PTPRD: variants seen among roughly 807,000 people sequenced by gnomAD.
The protein encoded by PTPRD is protein tyrosine phosphatase receptor type D, also known as receptor-type tyrosine-protein phosphatase delta.
In PTPRD, 34 loss-of-function variants were observed where a neutral mutation model predicts 214.5. The observed-to-expected ratio is 0.16, with a 90% confidence interval of 0.12 to 0.21. The LOEUF is 0.21. Ranked by LOEUF, PTPRD falls within the 10% of genes least tolerant of loss-of-function variation. The pLI, the probability that PTPRD is intolerant of heterozygous loss-of-function variation, is 1.00. For synonymous variants in PTPRD, 1,128 were observed against 845.7 expected (o/e 1.33, Z -5.79); for missense variants, 2,545 against 2,398.7 (o/e 1.06, Z -1.27).
chr9:9,176,678 C>T (rs2099925088), intron 10 of PTPRD, among the ~76,000 whole-genome samples: 1 of 152,090 alleles, frequency 6.6e-6, no homozygotes, highest in Non-Finnish European at 1.5e-5. Flanking sequence ...TTATCATGGG[C>T]ATGGGTTCCT....
chr9:9,123,292 G>C (rs901263555), intron 10 of PTPRD, among the ~76,000 whole-genome samples: 3 of 152,182 alleles, frequency 2.0e-5, no homozygotes, highest in African/African-American at 7.2e-5. Context: ...TTGGAGCTAG[G>C]ACATTTCTCT....
chr9:8,794,604 A>ATGCC (rs2096352156), intron 11 of PTPRD, among the ~76,000 whole-genome samples: 1 of 150,838 alleles, frequency 6.6e-6, no homozygotes, highest in Admixed American at 6.6e-5. Flanking sequence ...TTAGCCTCCC[A>ATGCC]AGTAGCTGGA....
At chr9:8,824,424 G>C (rs891156272) in intron 11 of PTPRD, among the ~76,000 whole-genome samples, 1 of 152,180 alleles carries the variant, frequency 6.6e-6, no homozygotes, top group Non-Finnish European at 1.5e-5. Flanking sequence ...TCACGGTAGA[G>C]AAGAGCTTCG....
At chr9:9,644,974 G>A (rs1409207850) in intron 7 of PTPRD, among the ~76,000 whole-genome samples, 2 of 152,176 alleles carry the variant, frequency 1.3e-5, no homozygotes, top group African/African-American at 4.8e-5. Flanking sequence ...ACAAGAACCT[G>A]GTTACCAAGA....
intron 39 of PTPRD, among the ~76,000 whole-genome samples, chr9:8,350,215 T>C (rs2075067293): frequency 6.6e-6 from 1 of 152,154 alleles, no homozygotes; most frequent in Non-Finnish European, 1.5e-5. Context: ...AAAGTCATTC[T>C]GGAGATGTGT....
At chr9:10,065,792 T>C (rs2097867780) in intron 3 of PTPRD, among the ~76,000 whole-genome samples, 3 of 151,974 alleles carry the variant, frequency 2.0e-5, no homozygotes, top group African/African-American at 7.2e-5. Flanking sequence ...AGAAAAGTAT[T>C]TTCCGGTGAT....
chr9:9,436,547 T>C (rs932860672), intron 8 of PTPRD, among the ~76,000 whole-genome samples: 2 of 152,130 alleles, frequency 1.3e-5, no homozygotes, highest in African/African-American at 4.8e-5. Flanking sequence ...TTCCTTTAAA[T>C]TTATTGGTAA....
chr9:8,325,384 C>CA (rs1832625016), intron 44 of PTPRD, among the ~76,000 whole-genome samples: 1 of 149,150 alleles, frequency 6.7e-6, no homozygotes, highest in African/African-American at 2.5e-5. Context: ...TCAGGTTTGT[C>CA]AAAGATAAGA....
chr9:10,257,335 T>C (rs2093358216), intron 3 of PTPRD, among the ~76,000 whole-genome samples: 1 of 152,190 alleles, frequency 6.6e-6, no homozygotes, highest in Admixed American at 6.5e-5. Flanking sequence ...AATTATGTAC[T>C]TGACCTCTAA....
intron 3 of PTPRD, among the ~76,000 whole-genome samples, chr9:10,152,706 T>A (rs2099068944): frequency 6.6e-6 from 1 of 152,110 alleles, no homozygotes; most frequent in African/African-American, 2.4e-5. Context: ...ACGCCTGTAA[T>A]CCCAGCTACT....
At chr9:10,401,751 A>T (rs2098273456) in intron 2 of PTPRD, among the ~76,000 whole-genome samples, 1 of 150,778 alleles carries the variant, frequency 6.6e-6, no homozygotes, top group Non-Finnish European at 1.5e-5. Flanking sequence ...TTGTATGATT[A>T]CAATGGGATA....
At chr9:10,368,674 T>A (rs911773524) in intron 2 of PTPRD, among the ~76,000 whole-genome samples, 1 of 152,066 alleles carries the variant, frequency 6.6e-6, no homozygotes, top group African/African-American at 2.4e-5. Flanking sequence ...ATCTCACTTA[T>A]GGGAAGGAAC....
At chr9:9,528,680 G>T (rs547998116) in intron 8 of PTPRD, among the ~76,000 whole-genome samples, 1 of 152,040 alleles carries the variant, frequency 6.6e-6, no homozygotes, top group African/African-American at 2.4e-5. Context: ...AACTACTGAA[G>T]GTCAGTGACA....
chr9:8,693,518 C>A (rs1181521000), intron 12 of PTPRD, among the ~76,000 whole-genome samples: 2 of 152,168 alleles, frequency 1.3e-5, no homozygotes, highest in Admixed American at 6.5e-5. Flanking sequence ...TTATTCTTTG[C>A]AAGCACTTTA....
At chr9:9,592,171 C>T (rs940678753) in intron 7 of PTPRD, among the ~76,000 whole-genome samples, 1 of 152,008 alleles carries the variant, frequency 6.6e-6, no homozygotes, top group African/African-American at 2.4e-5. Flanking sequence ...TCATTTTCTT[C>T]ACTAATTTAA....
chr9:10,558,658 T>C (rs995355382), intron 2 of PTPRD, among the ~76,000 whole-genome samples: 1 of 152,204 alleles, frequency 6.6e-6, no homozygotes, highest in Non-Finnish European at 1.5e-5. Flanking sequence ...ATTTGGTAGG[T>C]TCTTCCCAAA....
chr9:8,607,373 G>T (rs562872388), intron 14 of PTPRD, among the ~76,000 whole-genome samples: 9 of 152,134 alleles, frequency 5.9e-5, no homozygotes, highest in Non-Finnish European at 8.8e-5. Context: ...GGCCGGGTGC[G>T]GTGCCGCATG....
chr9:10,462,124 A>G (rs560968796), intron 2 of PTPRD, among the ~76,000 whole-genome samples: 2 of 152,284 alleles, frequency 1.3e-5, no homozygotes, highest in Middle Eastern at 3.4e-3. Flanking sequence ...TATTATATAC[A>G]GGAGTTTTGG....
chr9:8,446,220 T>C (rs1448992763), intron 34 of PTPRD, among the ~76,000 whole-genome samples: 1 of 152,230 alleles, frequency 6.6e-6, no homozygotes, highest in Admixed American at 6.5e-5. Flanking sequence ...GGTACAGTTC[T>C]TTGACGTACT....
Sources: gnomAD v4.1 joint callset for allele counts (sites outside exome capture counted in the v4.1 genomes callset) on GRCh38, gnomAD v4.1.1 for gene constraint, MANE v1.5 for transcripts, NCBI Gene and HGNC (gene_info 2026-07-23, HGNC 2026-07-21) for gene names.